The following PRKCA variants were observed in gnomAD, a reference collection of about 807,000 sequenced individuals.
PRKCA encodes protein kinase C alpha type.
In PRKCA, 27 loss-of-function variants were observed where a neutral mutation model predicts 87.0. The observed-to-expected ratio is 0.31, with a 90% CI of 0.23 to 0.43. The LOEUF is 0.43. Among genes scored for constraint, PRKCA ranks in the 20% least tolerant of loss-of-function variants. PRKCA has a pLI of 1.00. For missense variants in PRKCA, 518 were observed against 852.3 expected, an observed-to-expected ratio of 0.61 and a Z score of 4.88; for synonymous variants, 329 against 311.1, an observed-to-expected ratio of 1.06 and a Z score of -0.61.
chr17:66,433,109 T>G (rs1036144451), intron 2 of PRKCA, among the ~76,000 whole-genome samples: 2 of 152,190 alleles, frequency 1.3e-5, no homozygotes, highest in Admixed American at 6.5e-5. Flanking sequence ...GCCTCCTAGT[T>G]TGGATATACC....
intron 16 of PRKCA, among the ~76,000 whole-genome samples, chr17:66,796,288 AC>A (rs1975665971): frequency 1.3e-5 from 2 of 152,160 alleles, no homozygotes; most frequent in South Asian, 4.1e-4. Flanking sequence ...TGTTAAACAC[AC>A]CTTGCGTCTT....
chr17:66,766,808 CAAAAAAA>C (rs559889725), intron 13 of PRKCA, among the ~76,000 whole-genome samples: 3 of 104,400 alleles, frequency 2.9e-5, no homozygotes, highest in African/African-American at 1.0e-4. Context: ...AACTCCTTCT[CAAAAAAA>C]AAAAAAAAAA....
At chr17:66,420,199 C>T (rs987840001) in intron 2 of PRKCA, among the ~76,000 whole-genome samples, 7 of 151,936 alleles carry the variant, frequency 4.6e-5, no homozygotes, top group East Asian at 1.9e-4. Context: ...TTAGTAGAGA[C>T]GGAGTTTCAC....
chr17:66,452,987 C>T (rs1247906297), intron 2 of PRKCA, among the ~76,000 whole-genome samples: 2 of 152,244 alleles, frequency 1.3e-5, no homozygotes, highest in Non-Finnish European at 2.9e-5. Context: ...TCGAGATGTG[C>T]TGTGTGTCAC....
intron 2 of PRKCA, among the ~76,000 whole-genome samples, chr17:66,371,452 G>C (rs1909102904): frequency 2.6e-5 from 4 of 152,226 alleles, no homozygotes; most frequent in African/African-American, 4.8e-5. Flanking sequence ...ACCTGAGAGA[G>C]ACAGTCTGCT....
chr17:66,762,868 G>A (rs979077317), intron 13 of PRKCA, among the ~76,000 whole-genome samples: 1 of 152,148 alleles, frequency 6.6e-6, no homozygotes, highest in African/African-American at 2.4e-5. Context: ...ATGGCTCCCT[G>A]CAACCTCTAC....
At chr17:66,481,418 C>T (rs1915770227) in intron 2 of PRKCA, among the ~76,000 whole-genome samples, 1 of 152,138 alleles carries the variant, frequency 6.6e-6, no homozygotes, top group African/African-American at 2.4e-5. Context: ...ACTCTTCAGT[C>T]CCAGGCCTAA....
intron 13 of PRKCA, among the ~76,000 whole-genome samples, chr17:66,752,871 C>T (rs956013772): frequency 2.0e-5 from 3 of 152,184 alleles, no homozygotes; most frequent in African/African-American, 4.8e-5. Flanking sequence ...ATACCTGGAA[C>T]TGAACTGTGT....
intron 8 of PRKCA, among the ~76,000 whole-genome samples, chr17:66,726,055 C>T (rs1434429936): frequency 2.0e-5 from 3 of 152,080 alleles, no homozygotes; most frequent in Non-Finnish European, 2.9e-5. Context: ...CTTCCTGTTC[C>T]CATAACTCGG....
At chr17:66,518,425 T>A (rs1877848) in intron 3 of PRKCA, among the ~76,000 whole-genome samples, 76,105 of 152,104 alleles carry the variant, frequency 0.5, 19,358 homozygotes, top group East Asian at 0.75. Context: ...TCTTAACTTT[T>A]TTCAGGAAAA....
intron 2 of PRKCA, among the ~76,000 whole-genome samples, chr17:66,317,141 CAAAA>C (rs1203756925): frequency 1.2e-5 from 1 of 82,226 alleles, no homozygotes. Context: ...GACTCTGTCT[CAAAA>C]AAAAAAAAAA....
intron 5 of PRKCA, among the ~76,000 whole-genome samples, chr17:66,681,284 T>C (rs1207425181): frequency 6.6e-6 from 1 of 152,212 alleles, no homozygotes; most frequent in African/African-American, 2.4e-5. Flanking sequence ...ATTGATCTGT[T>C]GGATCAGTGG....
At chr17:66,653,216 AC>A (rs1971638735) in intron 5 of PRKCA, among the ~76,000 whole-genome samples, 1 of 152,110 alleles carries the variant, frequency 6.6e-6, no homozygotes, top group Non-Finnish European at 1.5e-5. Context: ...CTTGTATATG[AC>A]CCCCATTTTC....
chr17:66,696,935 C>A (rs1438279502), intron 8 of PRKCA, among the ~76,000 whole-genome samples: 1 of 152,154 alleles, frequency 6.6e-6, no homozygotes, highest in African/African-American at 2.4e-5. Flanking sequence ...GTCCCTGCTC[C>A]CAGGTTGCTA....
chr17:66,526,527 G>A (rs921354190), intron 3 of PRKCA, among the ~76,000 whole-genome samples: 6 of 152,112 alleles, frequency 3.9e-5, no homozygotes, highest in African/African-American at 1.4e-4. Context: ...GCTAGCTTGG[G>A]TGTGCTCTTC....
intron 16 of PRKCA, among the ~76,000 whole-genome samples, chr17:66,794,990 C>T (rs745810048): frequency 2.6e-5 from 4 of 152,010 alleles, no homozygotes; most frequent in East Asian, 3.8e-4. Context: ...AAAGTAATTG[C>T]GGTTTTTGCC....
chr17:66,459,793 A>C (rs927619602), intron 2 of PRKCA, among the ~76,000 whole-genome samples: 1 of 152,188 alleles, frequency 6.6e-6, no homozygotes. Context: ...GTGCGTAAGT[A>C]TCACTCTCTA....
chr17:66,375,086 C>T (rs932915596), intron 2 of PRKCA, among the ~76,000 whole-genome samples: 7 of 152,120 alleles, frequency 4.6e-5, no homozygotes, highest in African/African-American at 1.7e-4. Context: ...TGGTATGCAG[C>T]CTTGAGGGGG....
At chr17:66,733,308 G>A (rs539944537) in intron 9 of PRKCA, among the ~76,000 whole-genome samples, 2 of 152,302 alleles carry the variant, frequency 1.3e-5, no homozygotes, top group South Asian at 4.1e-4. Flanking sequence ...CTCTCTTTGA[G>A]GAGAGAAAGG....
Sources: gnomAD v4.1 joint callset for allele counts (sites outside exome capture counted in the v4.1 genomes callset) on GRCh38, gnomAD v4.1.1 for gene constraint, MANE v1.5 for transcripts, NCBI Gene and HGNC (gene_info 2026-07-23, HGNC 2026-07-21) for gene names.